Variants in DELE1 observed in about 807,000 individuals in gnomAD.
DELE1 encodes the protein DAP3 binding cell death enhancer 1.
A neutral mutation model predicts 59.3 loss-of-function variants in DELE1; 54 were observed. The observed-to-expected ratio is 0.91, with a 90% confidence interval of 0.73 to 1.14. The LOEUF (loss-of-function observed/expected upper bound fraction) is 1.14. Among genes scored for constraint, DELE1 ranks in the 50% most tolerant of loss-of-function variants. The pLI, the probability that DELE1 is intolerant of heterozygous loss-of-function variation, is 0.00. For synonymous variants in DELE1, 264 were observed against 259.1 expected (o/e 1.02, Z -0.18); for missense variants, 636 against 643.9 (o/e 0.99, Z 0.13).
At position 141,937,326 on chromosome 5, in the gene DELE1, G is replaced by T. The variant is rs181797361; in HGVS notation, c.1278G>T (p.Arg426Ser). The change falls in exon 11 of 12, where the codon AGG becomes AGT. Residue 426 changes from arginine to serine, a missense_variant. Coordinates refer to ENST00000432126, the MANE Select transcript of DELE1 (RefSeq NM_014773.5). ...TGGGAAATGAGGCCGCCCAGGAGAG[G>T]CTGCGAGCCCTCTTTTCCATGGGGG... ...AALGNEAAQERLRALFSMGAA... is the reference protein window; with the variant it reads ...AALGNEAAQESLRALFSMGAA... 8.1e-6 allele frequency: 13 copies of T among 1,614,156 alleles called. No individual in the cohort carries two copies. In the African/African-American group the frequency reaches 1.7e-4, roughly 22 times the overall value.
chr5:141,926,863 C>T (rs1158476028), intron 3 of DELE1, among the ~76,000 whole-genome samples: 1 of 152,222 alleles, frequency 6.6e-6, no homozygotes, highest in African/African-American at 2.4e-5. Context: ...CAATGCCATC[C>T]CTGTGCTCTG....
rs1299284256 is a variant in DELE1 at position 141,929,727 on chromosome 5, C to T, written c.558C>T (p.Asp186=). 1 of 1,614,182 alleles carries T rather than the reference C, an allele frequency of 6.2e-7. No individual in the cohort carries two copies. Among genetic ancestry groups the T allele is most frequent in the Non-Finnish European group, 8.5e-7 (1 of 1,180,028 alleles). The change falls in exon 5 of 12, where the codon GAC becomes GAT. Residue 186 remains aspartate, a synonymous_variant. Transcript: ENST00000432126. ...CTTTGAGAGGAGCTCGTCCTCAGGACCCCTCTGAGGAAGGTATGTCCCTGC... is the reference window on the plus strand; with the variant it reads ...CTTTGAGAGGAGCTCGTCCTCAGGATCCCTCTGAGGAAGGTATGTCCCTGC... The part of the protein sequence containing the change: ...HNSLRGARPQ[D]PSEEGPGDFG...
chr5:141,924,446 C>T lies in DELE1; in HGVS notation c.32-135C>T, dbSNP rs140218100. 1.5e-3 allele frequency: 962 copies of T among 643,736 alleles called. 8 individuals are homozygous for T. In the African/African-American group the frequency reaches 0.015, roughly 10 times the overall value. The allele number at this position is 643,736 out of a possible 1,614,324, so 39.9% of individuals were successfully genotyped here. A position where few individuals can be genotyped will look rare whatever the true frequency, so the allele number is the denominator to read the frequency against. On this transcript the variant is annotated intron_variant, in intron 1 of 11. Transcript: ENST00000432126. ...CCTGAGAAATCTTAGTTTATTGGTT[C>T]TGGGGTACTACCCTAGAATCTGTAG...
rs76602789 is a variant in DELE1 at position 141,930,187 on chromosome 5, A to G, written c.667A>G (p.Lys223Glu). ...PQPTGEKEQD[K>E]SKTLSLEEAV... ...TATATTTCTTTCCCAGGAACAAGAT[A>G]AATCAAAAACTCTTTCCCTTGAGGA... Residue 223 changes from lysine to glutamate, a missense_variant, in exon 7 of 12, where the codon AAA becomes GAA. By Grantham distance (56) the Lys-to-Glu change is moderately conservative. Coordinates refer to ENST00000432126, the MANE Select transcript of DELE1 (RefSeq NM_014773.5). 2.9e-3 allele frequency: 4,687 copies of G among 1,613,440 alleles called. 144 individuals are homozygous for G. In the African/African-American group the frequency reaches 0.055, roughly 19 times the overall value.
rs2126906790 is a variant in DELE1, at chr5:141,940,428, GAGCCCACC to G, written c.*1670_*1677del. 1.1e-6 allele frequency: 1 copy of G among 920,778 alleles called. No individual in the cohort carries two copies. The highest frequency in any genetic ancestry group is 1.8e-4 in the East Asian group (1 of 5,560). 57.0% of individuals were successfully genotyped at this position (920,778 alleles called of 1,614,324 possible). The stretch of plus-strand genomic sequence containing the variant: ...GAGAGTGGGGTCTGGGAGGGATAGA[GAGCCCACC>G]GCCCACCCCCCACAATCCCATGACT... On this transcript the variant is annotated 3_prime_UTR_variant, in exon 12 of 12. Coordinates refer to ENST00000432126, the MANE Select transcript of DELE1 (RefSeq NM_014773.5).
intron 3 of DELE1, 64 bp downstream of exon 3, chr5:141,925,591 A>G: frequency 1.0e-6 from 1 of 1,002,296 alleles, no homozygotes; most frequent in Non-Finnish European, 1.4e-6. Context: ...TCATGGGTAT[A>G]CAGCCGAACC....
chr5:141,930,113 T>A (rs1262419743), intron 6 of DELE1, 39 bp downstream of exon 6: 1 of 1,607,336 alleles, frequency 6.2e-7, no homozygotes, highest in Non-Finnish European at 8.5e-7. Context: ...CCCATAACAT[T>A]CTCTTGGGCA....
intron 7 of DELE1, 80 bp downstream of exon 7, chr5:141,930,354 A>G: frequency 2.0e-6 from 2 of 1,019,444 alleles, no homozygotes; most frequent in Non-Finnish European, 3.0e-6. Context: ...TAGTCAAGAT[A>G]GGGAGTGGCT....
chr5:141,938,012 G>C (rs1380482938), intron 11 of DELE1, among the ~76,000 whole-genome samples: 1 of 151,684 alleles, frequency 6.6e-6, no homozygotes, highest in Non-Finnish European at 1.5e-5. Flanking sequence ...TTTTAGTAGA[G>C]TCTGGGTTTC....
chr5:141,933,962 G>A (rs957482093), intron 8 of DELE1: 2 of 242,710 alleles, frequency 8.2e-6, no homozygotes, highest in African/African-American at 4.5e-5. Context: ...TGTCTAAAAG[G>A]TATGTGTGTG....
rs1391190737 is a variant in DELE1 at position 141,936,496 on chromosome 5, G to A, written c.1150-702G>A. 6.6e-5 allele frequency among the ~76,000 whole-genome samples: 10 copies of A among 152,282 alleles called. No individual in the cohort carries two copies. The East Asian group carries it at 1.4e-3, about 21-fold the overall frequency. ...GTCGCCCTGGCTGGAGTGCAGTGGC[G>A]CGATCTCAGCGCACTGCAACCTCCG... On this transcript the variant is annotated intron_variant, in intron 10 of 11. Transcript: ENST00000432126.
Position 141,940,757 on chromosome 5 carries a change from G to A in DELE1, c.*1998G>A. ...CCTTGGGAGCAGGGTCCTTGTCTTTGTATTCCAGTGTCCCCAGCACTGAGT... is the reference window on the plus strand; with the variant it reads ...CCTTGGGAGCAGGGTCCTTGTCTTTATATTCCAGTGTCCCCAGCACTGAGT... On this transcript the variant is annotated 3_prime_UTR_variant, in exon 12 of 12. Coordinates refer to ENST00000432126, the MANE Select transcript of DELE1 (RefSeq NM_014773.5). 1 of 978,194 alleles carries A rather than the reference G, an allele frequency of 1.0e-6. No homozygotes were observed. Among genetic ancestry groups the A allele is most frequent in the Non-Finnish European group, 1.2e-6 (1 of 823,376 alleles). The allele number at this position is 978,194 out of a possible 1,614,324, so 60.6% of individuals were successfully genotyped here.
In DELE1 at chr5:141,940,292, G is replaced by A. The variant is rs1454051237; in HGVS notation, c.*1533G>A. On this transcript the variant is annotated 3_prime_UTR_variant, in exon 12 of 12. Coordinates refer to ENST00000432126, the MANE Select transcript of DELE1 (RefSeq NM_014773.5). ...AAAGCTTCTCCAGGAGAGAGACTTA[G>A]GAAAAAAAAAGATTTCTGAGTCAGT... 9.1e-6 allele frequency: 9 copies of A among 984,944 alleles called. No homozygotes were observed. The highest frequency in any genetic ancestry group is 1.8e-5 in the African/African-American group (1 of 57,134). 61.0% of individuals were successfully genotyped at this position (984,944 alleles called of 1,614,324 possible).
At chr5:141,924,231 T>G (rs973499452) in intron 1 of DELE1, among the ~76,000 whole-genome samples, 7 of 151,966 alleles carry the variant, frequency 4.6e-5, no homozygotes, top group Non-Finnish European at 7.4e-5. Flanking sequence ...GTGGACTGAA[T>G]GAATGAAAGA....
rs34438707 is a variant in DELE1 at position 141,925,442 on chromosome 5, G to A, written c.179G>A (p.Gly60Asp). ...SGPHGPGTSG[G>D]PRSHGWKDAF... ...CCCCATGGCCCAGGCACGAGCGGGG[G>A]TCCAAGGTCCCATGGATGGAAGGAT... Residue 60 changes from glycine to aspartate, a missense_variant, in exon 3 of 12, where the codon GGT becomes GAT. Coordinates refer to ENST00000432126, the MANE Select transcript of DELE1 (RefSeq NM_014773.5). The A allele has an allele frequency of 1.6e-3, 2,569 of 1,601,090 alleles. 48 individuals carry two copies. The African/African-American group carries it at 0.031, about 19-fold the overall frequency.
At chr5:141,926,391 A>T (rs957956818) in intron 3 of DELE1, among the ~76,000 whole-genome samples, 1 of 152,180 alleles carries the variant, frequency 6.6e-6, no homozygotes, top group Non-Finnish European at 1.5e-5. Flanking sequence ...TGCTGCATCA[A>T]ATACAGAGCC....
chr5:141,941,564 G>A lies in DELE1; in HGVS notation c.*2805G>A. On this transcript the variant is annotated 3_prime_UTR_variant, in exon 12 of 12. Transcript: ENST00000432126. ...ATCATCAGTGCCCCAGAGGAAGTGT[G>A]AGAGGACGAGAGGGAGGTGGCTCCC... is the stretch of plus-strand genomic sequence containing the variant. The A allele has an allele frequency of 1.0e-6, 1 of 985,466 alleles. No individual in the cohort carries two copies. Among genetic ancestry groups the A allele is most frequent in the African/African-American group, 1.7e-5 (1 of 57,342 alleles). The allele number at this position is 985,466 out of a possible 1,614,324, so 61.0% of individuals were successfully genotyped here.
At position 141,941,922 on chromosome 5, in the gene DELE1, G is replaced by A; in HGVS notation, c.*3163G>A. The A allele has an allele frequency of 1.0e-6, 1 of 985,346 alleles. No homozygotes were observed. The highest frequency in any genetic ancestry group is 1.7e-5 in the African/African-American group (1 of 57,320). 61.0% of individuals were successfully genotyped at this position (985,346 alleles called of 1,614,324 possible). A position where few individuals can be genotyped will look rare whatever the true frequency, so the allele number is the denominator to read the frequency against. Reference sequence around the variant, plus strand: ...ATGAATAATTTTAAATAACTTGAATGAATAATTCTGTATTGCCCCCCACTC... The same window carrying A: ...ATGAATAATTTTAAATAACTTGAATAAATAATTCTGTATTGCCCCCCACTC... On this transcript the variant is annotated 3_prime_UTR_variant, in exon 12 of 12. Coordinates refer to ENST00000432126, the MANE Select transcript of DELE1 (RefSeq NM_014773.5).
At chr5:141,936,966 C>A in intron 10 of DELE1, 2 of 1,361,130 alleles carry the variant, frequency 1.5e-6, no homozygotes, top group Non-Finnish European at 9.5e-7. Context: ...CCACACTGCC[C>A]TGGCTGGAAT....
Sources: gnomAD v4.1 joint callset for allele counts (sites outside exome capture counted in the v4.1 genomes callset) on GRCh38, gnomAD v4.1.1 for gene constraint, MANE v1.5 for transcripts, NCBI Gene and HGNC (gene_info 2026-07-23, HGNC 2026-07-21) for gene names.